Variants in NAV2 observed in about 807,000 individuals in gnomAD.
NAV2 encodes neuron navigator 2.
NAV2 carries 54 observed loss-of-function variants against 223.2 expected under a neutral mutation model. The observed-to-expected ratio is 0.24, with a 90% confidence interval of 0.19 to 0.30. The LOEUF (loss-of-function observed/expected upper bound fraction) is 0.30. Among genes scored for constraint, NAV2 ranks in the 10% least tolerant of loss-of-function variants. NAV2 has a pLI of 1.00. For synonymous variants in NAV2, 1,279 were observed against 1,239.3 expected, an observed-to-expected ratio of 1.03 and a Z score of -0.67; for missense variants, 2,806 against 3,147.5, an observed-to-expected ratio of 0.89 and a Z score of 2.60.
chr11:19,430,990 G>A (rs987022802), intron 1 of NAV2, among the ~76,000 whole-genome samples: 1 of 152,138 alleles, frequency 6.6e-6, no homozygotes, highest in Non-Finnish European at 1.5e-5. Context: ...CCAAGATTCA[G>A]ACACAATAGA....
At chr11:19,679,168 C>T (rs1185412856) in intron 1 of NAV2, among the ~76,000 whole-genome samples, 2 of 152,228 alleles carry the variant, frequency 1.3e-5, no homozygotes, top group Admixed American at 6.5e-5. Context: ...CAGCGGCTCA[C>T]GCCTGTAATC....
chr11:20,041,747 T>A (rs2056934623), intron 12 of NAV2, among the ~76,000 whole-genome samples: 1 of 152,188 alleles, frequency 6.6e-6, no homozygotes, highest in South Asian at 2.1e-4. Flanking sequence ...AAAGCCAAGT[T>A]ATTTTCTGCC....
At chr11:19,779,361 C>G (rs554227303) in intron 1 of NAV2, among the ~76,000 whole-genome samples, 1 of 152,338 alleles carries the variant, frequency 6.6e-6, no homozygotes, top group South Asian at 2.1e-4. Flanking sequence ...TCCAGATAGC[C>G]TCAGATATCC....
At chr11:19,660,982 A>G (rs1353420638) in intron 1 of NAV2, among the ~76,000 whole-genome samples, 2 of 152,160 alleles carry the variant, frequency 1.3e-5, no homozygotes, top group Admixed American at 1.3e-4. Flanking sequence ...TTAAGTGTGC[A>G]GTTCAGTGGC....
intron 1 of NAV2, among the ~76,000 whole-genome samples, chr11:19,360,509 G>T (rs565123548): frequency 1.8e-4 from 28 of 152,316 alleles, no homozygotes; most frequent in African/African-American, 6.7e-4. Flanking sequence ...GTTTTAACAA[G>T]TGTCAGAAAT....
At chr11:19,649,833 A>G (rs1011649531) in intron 1 of NAV2, among the ~76,000 whole-genome samples, 2 of 152,248 alleles carry the variant, frequency 1.3e-5, no homozygotes, top group African/African-American at 2.4e-5. Flanking sequence ...AAGCACATGA[A>G]AAGACCCTCA....
intron 5 of NAV2, 100 bp downstream of exon 5, chr11:19,880,227 C>T (rs2063116510): frequency 4.2e-6 from 6 of 1,421,472 alleles, no homozygotes; most frequent in Non-Finnish European, 5.6e-6. Flanking sequence ...ATTTGTGCTT[C>T]TTCAATGCTG....
At chr11:20,012,693 AAG>A (rs2053664267) in intron 11 of NAV2, among the ~76,000 whole-genome samples, 1 of 3,422 alleles carries the variant, frequency 2.9e-4, no homozygotes, top group Non-Finnish European at 1.4e-3. Flanking sequence ...AAAAAAAAAG[AAG>A]GGGGAAAAGA....
chr11:19,754,471 C>T (rs187298729), intron 1 of NAV2, among the ~76,000 whole-genome samples: 22 of 152,250 alleles, frequency 1.4e-4, no homozygotes, highest in Non-Finnish European at 3.1e-4. Context: ...TAAGTCATTC[C>T]AAGCCTAGGC....
intron 1 of NAV2, among the ~76,000 whole-genome samples, chr11:19,716,532 T>C (rs2050329029): frequency 6.6e-6 from 1 of 152,196 alleles, no homozygotes; most frequent in Non-Finnish European, 1.5e-5. Flanking sequence ...AGCCCGTAAA[T>C]GAGAAAAGAT....
chr11:19,712,664 C>T (rs2152311294), upstream of NAV2: 1 of 152,328 alleles, frequency 6.6e-6, no homozygotes, highest in African/African-American at 2.4e-5. Context: ...GCCACCAGCC[C>T]GCTTTGTACT....
chr11:19,866,070 T>G (rs1360700398), intron 3 of NAV2, among the ~76,000 whole-genome samples: 3 of 152,264 alleles, frequency 2.0e-5, no homozygotes, highest in Non-Finnish European at 4.4e-5. Flanking sequence ...CACGTAATAC[T>G]TGCTAAAACC....
At chr11:19,948,378 G>A (rs1284002864) in intron 9 of NAV2, among the ~76,000 whole-genome samples, 2 of 152,098 alleles carry the variant, frequency 1.3e-5, no homozygotes, top group African/African-American at 4.8e-5. Context: ...CATCTGGCCT[G>A]GAAAGTGAGC....
chr11:20,098,217 G>A (rs566172354), intron 31 of NAV2, among the ~76,000 whole-genome samples: 1 of 152,200 alleles, frequency 6.6e-6, no homozygotes, highest in African/African-American at 2.4e-5. Flanking sequence ...GTGATATTAA[G>A]CCCCAGGCCA....
intron 1 of NAV2, among the ~76,000 whole-genome samples, chr11:19,552,406 G>A (rs978557944): frequency 4.6e-5 from 7 of 152,094 alleles, no homozygotes; most frequent in African/African-American, 1.7e-4. Flanking sequence ...GAAACCCAGG[G>A]GTTGTTCCAT....
intron 1 of NAV2, among the ~76,000 whole-genome samples, chr11:19,658,121 AACTT>A (rs1177916665): frequency 6.6e-6 from 1 of 152,176 alleles, no homozygotes; most frequent in Non-Finnish European, 1.5e-5. Flanking sequence ...TACATTTATA[AACTT>A]ACTTAATTTT....
Position 19,934,296 on chromosome 11 carries a change from C to G in NAV2, c.2033+19C>G. The G allele has an allele frequency of 1.3e-6, 2 of 1,547,160 alleles. No individual in the cohort carries two copies. Among genetic ancestry groups the G allele is most frequent in the Non-Finnish European group, 1.7e-6 (2 of 1,144,924 alleles). Reference sequence around the variant, plus strand: ...TGTACAGGTAGGAGCTGCCACCCACCTGTGCTGCCTGGGACATTGGGTAAA... The same window carrying G: ...TGTACAGGTAGGAGCTGCCACCCACGTGTGCTGCCTGGGACATTGGGTAAA... On this transcript the variant is annotated intron_variant, in intron 7 of 37. Coordinates refer to ENST00000349880, the MANE Select transcript of NAV2 (RefSeq NM_145117.5).
intron 23 of NAV2, 83 bp from the exon 24 acceptor site, chr11:20,077,910 C>A (rs2059862341): frequency 2.7e-6 from 3 of 1,096,300 alleles, no homozygotes; most frequent in Middle Eastern, 3.9e-4. Flanking sequence ...TCCCGCTCCT[C>A]CTGTGTTGAA....
chr11:20,111,781 C>G lies in NAV2; in HGVS notation c.6961-2811C>G, dbSNP rs369859139. ...CGTCTCTTGGCCTTGGGTTCTCCAT[C>G]TATAAATTGACAAGTTTGGACTAGA... On this transcript the variant is annotated intron_variant, in intron 36 of 37. Transcript: ENST00000349880. Among the ~76,000 whole-genome samples, 18 of 152,358 alleles carry G rather than the reference C, an allele frequency of 1.2e-4. No individual in the cohort carries two copies. In the South Asian group the frequency reaches 2.1e-3, roughly 18 times the overall value.
Sources: allele counts gnomAD v4.1 joint callset (sites outside exome capture counted in the v4.1 genomes callset), GRCh38; gene constraint gnomAD v4.1.1; transcripts MANE v1.5; gene names NCBI Gene and HGNC (gene_info 2026-07-23, HGNC 2026-07-21).